SLC24A2: variants seen among roughly 807,000 people sequenced by gnomAD.
SLC24A2 encodes the protein sodium/potassium/calcium exchanger 2.
A neutral mutation model predicts 62.0 loss-of-function variants in SLC24A2; 36 were observed. That is an observed-to-expected ratio of 0.58 (90% confidence interval 0.44 to 0.77). The LOEUF (loss-of-function observed/expected upper bound fraction) is 0.77, where lower values mean the gene tolerates loss of function less well. Among genes scored for constraint, SLC24A2 ranks in the 30% least tolerant of loss-of-function variants. SLC24A2 has a pLI of 0.00. For synonymous variants in SLC24A2, 358 were observed against 294.0 expected, an observed-to-expected ratio of 1.22 and a Z score of -2.23; for missense variants, 846 against 817.9, an observed-to-expected ratio of 1.03 and a Z score of -0.42.
chr9:20,143,763 C>T, the SLC24A2 span, among the ~76,000 whole-genome samples: 1 of 152,132 alleles, frequency 6.6e-6, no homozygotes, highest in Non-Finnish European at 1.5e-5. Flanking sequence ...AAAATTATTT[C>T]CAAATTGGTA....
intron 2 of SLC24A2, among the ~76,000 whole-genome samples, chr9:19,773,005 A>T (rs1400739870): frequency 6.6e-6 from 1 of 152,258 alleles, no homozygotes; most frequent in Non-Finnish European, 1.5e-5. Context: ...GGACATAAAA[A>T]GGTTACAACA....
intron 7 of SLC24A2, among the ~76,000 whole-genome samples, chr9:19,567,337 G>C (rs1433913952): frequency 6.6e-6 from 1 of 151,696 alleles, no homozygotes; most frequent in Admixed American, 6.6e-5. Context: ...ACCAGGTCAG[G>C]AGATCAAGAC....
the SLC24A2 span, among the ~76,000 whole-genome samples, chr9:20,271,747 G>T: frequency 6.6e-6 from 1 of 151,952 alleles, no homozygotes; most frequent in Non-Finnish European, 1.5e-5. Context: ...CTTGGACTCC[G>T]TTTTGTTATT....
At chr9:19,634,893 A>C (rs947292489) in intron 2 of SLC24A2, among the ~76,000 whole-genome samples, 1 of 152,252 alleles carries the variant, frequency 6.6e-6, no homozygotes, top group African/African-American at 2.4e-5. Context: ...ATAAAAAAAT[A>C]GAGATGAAAT....
chr9:20,040,419 T>C, the SLC24A2 span, among the ~76,000 whole-genome samples: 13 of 152,272 alleles, frequency 8.5e-5, no homozygotes, highest in Non-Finnish European at 1.5e-4. Context: ...CTGGTTAAGA[T>C]GGAATAATGA....
At chr9:20,283,503 G>T in the SLC24A2 span, among the ~76,000 whole-genome samples, 7 of 152,104 alleles carry the variant, frequency 4.6e-5, no homozygotes, top group Non-Finnish European at 1.0e-4. Context: ...TGTTAGCAGT[G>T]GAAGAGACTC....
At chr9:19,962,105 C>T in the SLC24A2 span, among the ~76,000 whole-genome samples, 3 of 152,302 alleles carry the variant, frequency 2.0e-5, 1 homozygote, top group African/African-American at 7.2e-5. Flanking sequence ...GTTAATGATT[C>T]ATTTATTCTC....
At chr9:20,132,688 C>A in the SLC24A2 span, among the ~76,000 whole-genome samples, 1 of 152,072 alleles carries the variant, frequency 6.6e-6, no homozygotes, top group African/African-American at 2.4e-5. Context: ...CACACCTGTG[C>A]AAAGTTTCAT....
the SLC24A2 span, among the ~76,000 whole-genome samples, chr9:20,291,135 T>C: frequency 6.6e-6 from 1 of 151,762 alleles, no homozygotes; most frequent in Non-Finnish European, 1.5e-5. Flanking sequence ...TGATGAGAAG[T>C]AGGGGGACAA....
chr9:19,588,599 A>G (rs1047312468), intron 5 of SLC24A2, among the ~76,000 whole-genome samples: 2 of 151,262 alleles, frequency 1.3e-5, no homozygotes, highest in African/African-American at 4.9e-5. Flanking sequence ...GGTAGTTGTT[A>G]TATTACAAAG....
the SLC24A2 span, among the ~76,000 whole-genome samples, chr9:20,258,826 TATC>T: frequency 0.032 from 4,670 of 144,764 alleles, 68 homozygotes; most frequent in Middle Eastern, 0.065. Context: ...CTTATCTATC[TATC>T]TATCTGTCTA....
At chr9:19,830,560 A>G in the SLC24A2 span, among the ~76,000 whole-genome samples, 3 of 152,170 alleles carry the variant, frequency 2.0e-5, no homozygotes, top group East Asian at 1.9e-4. Flanking sequence ...TCAATCCACA[A>G]TAACACTGGT....
chr9:19,556,719 T>C (rs1229206461), intron 7 of SLC24A2, among the ~76,000 whole-genome samples: 3 of 152,178 alleles, frequency 2.0e-5, no homozygotes, highest in African/African-American at 4.8e-5. Context: ...TGGGTCAAAA[T>C]AGAATGTCAG....
chr9:19,707,942 T>C (rs1405995850), intron 2 of SLC24A2, among the ~76,000 whole-genome samples: 3 of 152,042 alleles, frequency 2.0e-5, no homozygotes, highest in Non-Finnish European at 4.4e-5. Context: ...GGGTATTCAA[T>C]TAGGAAAAGA....
At chr9:19,561,306 C>T (rs186335180) in intron 7 of SLC24A2, among the ~76,000 whole-genome samples, 2,676 of 151,414 alleles carry the variant, frequency 0.018, 16 homozygotes, top group African/African-American at 0.061. Flanking sequence ...TACCTCTTAT[C>T]CATAAGATAA....
chr9:19,564,108 G>A (rs748861313), intron 7 of SLC24A2, among the ~76,000 whole-genome samples: 9 of 151,848 alleles, frequency 5.9e-5, no homozygotes, highest in Non-Finnish European at 1.2e-4. Flanking sequence ...CACCTGCCTC[G>A]GCCTCCCAAA....
the SLC24A2 span, among the ~76,000 whole-genome samples, chr9:20,023,916 A>G: frequency 6.6e-6 from 1 of 152,236 alleles, no homozygotes; most frequent in African/African-American, 2.4e-5. Context: ...TGGACATCCT[A>G]GAGTGAGGAA....
chr9:20,267,314 T>C, the SLC24A2 span, among the ~76,000 whole-genome samples: 3 of 152,078 alleles, frequency 2.0e-5, no homozygotes, highest in African/African-American at 7.2e-5. Flanking sequence ...CCAACTCAAA[T>C]TTGTCCAGGT....
chr9:20,097,429 T>C, the SLC24A2 span, among the ~76,000 whole-genome samples: 1 of 152,196 alleles, frequency 6.6e-6, no homozygotes, highest in Non-Finnish European at 1.5e-5. Flanking sequence ...TCTTTCTCTT[T>C]CTTCTATATC....
Sources: gnomAD v4.1 joint callset for allele counts (sites outside exome capture counted in the v4.1 genomes callset) on GRCh38, gnomAD v4.1.1 for gene constraint, MANE v1.5 for transcripts, NCBI Gene and HGNC (gene_info 2026-07-23, HGNC 2026-07-21) for gene names.